RANGAP1: variants seen among roughly 807,000 people sequenced by gnomAD.
RANGAP1 encodes the protein Ran GTPase activating protein 1, also known as ran GTPase-activating protein 1.
RANGAP1 carries 38 observed loss-of-function variants against 63.5 expected under a neutral mutation model. The observed-to-expected ratio is 0.60, with a 90% CI of 0.46 to 0.78. The LOEUF (loss-of-function observed/expected upper bound fraction) is 0.78, where lower values mean the gene tolerates loss of function less well. Among genes scored for constraint, RANGAP1 ranks in the 30% least tolerant of loss-of-function variants. RANGAP1 has a pLI of 0.00. For synonymous variants in RANGAP1, 329 were observed against 310.5 expected (o/e 1.06, Z -0.63); for missense variants, 630 against 740.3 (o/e 0.85, Z 1.73).
At chr22:41,301,982 C>T in the RANGAP1 span, among the ~76,000 whole-genome samples, 2 of 152,142 alleles carry the variant, frequency 1.3e-5, no homozygotes, top group Admixed American at 6.5e-5. Context: ...CCCATTTGCT[C>T]CTTTTTGGGG....
intron 2 of RANGAP1, chr22:41,277,344 C>G: frequency 3.7e-6 from 2 of 534,324 alleles, no homozygotes; most frequent in Non-Finnish European, 5.6e-6. Flanking sequence ...TCCCAAACTG[C>G]TGGGATTACA....
In RANGAP1 at chr22:41,254,334, G is replaced by A. The variant is rs139571477; in HGVS notation, c.1234C>T (p.Arg412Trp). The change falls in exon 11 of 16, where the codon CGG becomes TGG. Residue 412 changes from arginine to tryptophan, a missense_variant. By Grantham distance (101) the Arg-to-Trp change is moderately radical. Transcript: ENST00000356244. ...GQGEKSATPS[R>W]KILDPNTGEP... The stretch of plus-strand genomic sequence containing the variant: ...CCAGTGTTAGGGTCCAGAATCTTCC[G>A]TGAGGGCGTGGCTGACTTCTCTCCC... 1.0e-3 allele frequency: 1,665 copies of A among 1,614,068 alleles called. 5 individuals carry two copies. Among genetic ancestry groups the A allele is most frequent in the Middle Eastern group, 2.3e-3 (14 of 6,062 alleles).
chr22:41,292,083 C>T, the RANGAP1 span, among the ~76,000 whole-genome samples: 10 of 151,684 alleles, frequency 6.6e-5, no homozygotes, highest in Non-Finnish European at 1.0e-4. Flanking sequence ...ATTACTGACA[C>T]GTGCCACCAT....
the RANGAP1 span, among the ~76,000 whole-genome samples, chr22:41,295,010 C>A: frequency 7.1e-6 from 1 of 140,200 alleles, no homozygotes; most frequent in African/African-American, 2.6e-5. Flanking sequence ...CCAGCCAACC[C>A]GTCCAGGAGG....
At chr22:41,299,467 C>T in the RANGAP1 span, among the ~76,000 whole-genome samples, 1 of 152,046 alleles carries the variant, frequency 6.6e-6, no homozygotes, top group African/African-American at 2.4e-5. Context: ...CAGGGTTTCA[C>T]TACGTTAGCC....
At chr22:41,261,425 G>A in intron 6 of RANGAP1, 21 bp downstream of exon 6, 1 of 1,614,120 alleles carries the variant, frequency 6.2e-7, no homozygotes, top group Non-Finnish European at 8.5e-7. Context: ...TGCAGGGGCA[G>A]GATGGACAGA....
chr22:41,255,634 G>A (rs948037699), intron 10 of RANGAP1, among the ~76,000 whole-genome samples: 4 of 141,680 alleles, frequency 2.8e-5, no homozygotes, highest in Admixed American at 1.5e-4. Context: ...GGGTGGCCCC[G>A]CTCAGCCCGT....
chr22:41,258,375 CCAG>C (rs1330475283), intron 6 of RANGAP1, among the ~76,000 whole-genome samples: 1 of 152,238 alleles, frequency 6.6e-6, no homozygotes, highest in East Asian at 1.9e-4. Flanking sequence ...AGCTCTAGAT[CCAG>C]CAGGTCGATT....
chr22:41,265,440 A>G (rs2034410134), intron 4 of RANGAP1, among the ~76,000 whole-genome samples: 1 of 152,238 alleles, frequency 6.6e-6, no homozygotes. Context: ...CACTGGCAAC[A>G]GAGGGGACCT....
At chr22:41,282,164 G>A (rs1036979947) in intron 1 of RANGAP1, 2 of 152,228 alleles carry the variant, frequency 1.3e-5, no homozygotes, top group African/African-American at 4.8e-5. Context: ...TGGGTGTGGT[G>A]GCACGTGCCT....
At chr22:41,295,680 C>T in the RANGAP1 span, among the ~76,000 whole-genome samples, 1 of 143,144 alleles carries the variant, frequency 7.0e-6, no homozygotes, top group Non-Finnish European at 1.5e-5. Context: ...GCGAGAAACA[C>T]CCAAGAATGA....
intron 2 of RANGAP1, among the ~76,000 whole-genome samples, chr22:41,279,480 C>G (rs6002311): frequency 7.0e-6 from 1 of 143,020 alleles, no homozygotes; most frequent in South Asian, 2.3e-4. Context: ...AAAAAAAAAA[C>G]AAAAAGAAAA....
chr22:41,248,947 G>A (rs998414166), intron 15 of RANGAP1, among the ~76,000 whole-genome samples: 1 of 152,222 alleles, frequency 6.6e-6, no homozygotes, highest in Non-Finnish European at 1.5e-5. Flanking sequence ...AAGCCACTCC[G>A]GAGATGTCAC....
intron 13 of RANGAP1, 140 bp from the exon 14 acceptor site, chr22:41,249,957 G>A (rs749191529): frequency 2.7e-5 from 19 of 703,876 alleles, no homozygotes; most frequent in Admixed American, 4.4e-5. Context: ...CGAGAGGGAC[G>A]GCAGAGACAC....
At chr22:41,271,205 C>T (rs2034797119) in intron 3 of RANGAP1, among the ~76,000 whole-genome samples, 2 of 147,298 alleles carry the variant, frequency 1.4e-5, no homozygotes, top group Admixed American at 1.4e-4. Flanking sequence ...GACTGGGCAA[C>T]AAAGCAAGAC....
chr22:41,244,944 C>T lies in RANGAP1; in HGVS notation c.*1659G>A, dbSNP rs1193745958. On this transcript the variant is annotated 3_prime_UTR_variant, in exon 16 of 16. Coordinates refer to ENST00000356244, the MANE Select transcript of RANGAP1 (RefSeq NM_002883.4). ...CTTCCCCTAGCCCTGGCAACCTCTA[C>T]CTTCTTGTCTCTGAATTTGCTTATT... Among the ~76,000 whole-genome samples the T allele has an allele frequency of 1.3e-5, 2 of 152,184 alleles. No individual in the cohort carries two copies. The highest frequency in any genetic ancestry group is 2.9e-5 in the Non-Finnish European group (2 of 68,034).
At chr22:41,285,653 G>T (rs1234316316) in intron 1 of RANGAP1, 1 of 985,338 alleles carries the variant, frequency 1.0e-6, no homozygotes, top group African/African-American at 1.7e-5. Context: ...TGATAGGCGG[G>T]CGGCGCAGGA....
intron 2 of RANGAP1, among the ~76,000 whole-genome samples, chr22:41,279,958 T>C (rs2035398534): frequency 6.7e-6 from 1 of 149,600 alleles, no homozygotes. Context: ...ATTAGCCGGG[T>C]GTGGTGGTGG....
chr22:41,280,008 G>GA (rs2035401622), intron 2 of RANGAP1, among the ~76,000 whole-genome samples: 1 of 151,974 alleles, frequency 6.6e-6, no homozygotes, highest in Non-Finnish European at 1.5e-5. Context: ...TGAGGCAGGA[G>GA]AACTGCTCGA....
Sources: allele counts gnomAD v4.1 joint callset (sites outside exome capture counted in the v4.1 genomes callset), GRCh38; gene constraint gnomAD v4.1.1; transcripts MANE v1.5; gene names NCBI Gene and HGNC (gene_info 2026-07-23, HGNC 2026-07-21).